The following CEP112 variants were observed in gnomAD, a reference collection of about 807,000 sequenced individuals.
CEP112 encodes the protein centrosomal protein of 112 kDa.
A neutral mutation model predicts 153.0 loss-of-function variants in CEP112; 127 were observed. The observed-to-expected ratio is 0.83, with a 90% CI of 0.72 to 0.96. The LOEUF is 0.96. Ranked by LOEUF, CEP112 falls within the 40% of genes least tolerant of loss-of-function variation. The probability of loss-of-function intolerance (pLI) is 0.00; values close to 1 mark genes in which losing one functional copy is unlikely to be tolerated. For missense variants in CEP112, 1,089 were observed against 1,101.2 expected (o/e 0.99, Z 0.16); for synonymous variants, 358 against 374.4 (o/e 0.96, Z 0.51).
At chr17:65,783,293 T>G (rs1431393030) in intron 21 of CEP112, among the ~76,000 whole-genome samples, 1 of 152,172 alleles carries the variant, frequency 6.6e-6, no homozygotes, top group Non-Finnish European at 1.5e-5. Context: ...GAATAACAAG[T>G]GTTGATGAGA....
At chr17:65,642,750 CA>C (rs1256222660) in intron 24 of CEP112, among the ~76,000 whole-genome samples, 2 of 152,116 alleles carry the variant, frequency 1.3e-5, no homozygotes, top group African/African-American at 2.4e-5. Flanking sequence ...AAATGCAAAG[CA>C]AAACGCATGC....
chr17:66,146,997 T>C, intron 4 of CEP112, among the ~76,000 whole-genome samples: 1 of 152,306 alleles, frequency 6.6e-6, no homozygotes, highest in South Asian at 2.1e-4. Flanking sequence ...TTCAAGACCC[T>C]GCTTTCAATT....
intron 11 of CEP112, among the ~76,000 whole-genome samples, chr17:66,058,197 T>C (rs966469447): frequency 1.3e-5 from 2 of 152,080 alleles, no homozygotes; most frequent in Non-Finnish European, 1.5e-5. Flanking sequence ...GAAAAAGACG[T>C]ACCCTTGTAA....
At chr17:66,132,891 A>G in intron 4 of CEP112, 128 bp from the exon 5 acceptor site, 1 of 697,050 alleles carries the variant, frequency 1.4e-6, no homozygotes, top group Admixed American at 2.4e-5. Flanking sequence ...GATGTTCCAT[A>G]GCCGGGCGTG....
At chr17:65,788,765 T>C (rs75486989) in intron 21 of CEP112, among the ~76,000 whole-genome samples, 11 of 152,304 alleles carry the variant, frequency 7.2e-5, no homozygotes, top group East Asian at 3.9e-4. Context: ...TCTCCCTATT[T>C]TTCTGACCGG....
intron 8 of CEP112, among the ~76,000 whole-genome samples, chr17:66,094,219 C>A (rs1485411205): frequency 6.6e-6 from 1 of 151,962 alleles, no homozygotes; most frequent in Non-Finnish European, 1.5e-5. Context: ...CCTACCACAC[C>A]CGGCTAATTT....
At chr17:66,036,036 T>C (rs1354695018) in intron 12 of CEP112, among the ~76,000 whole-genome samples, 4 of 152,218 alleles carry the variant, frequency 2.6e-5, no homozygotes, top group African/African-American at 7.2e-5. Flanking sequence ...ATTCAGCCAT[T>C]AAAAAGGGAA....
At chr17:66,023,620 T>G (rs1158137920) in intron 16 of CEP112, among the ~76,000 whole-genome samples, 1 of 151,906 alleles carries the variant, frequency 6.6e-6, no homozygotes, top group Non-Finnish European at 1.5e-5. Context: ...AAAAACACAT[T>G]TAAGTATAAA....
intron 21 of CEP112, among the ~76,000 whole-genome samples, chr17:65,771,508 T>C (rs1223382009): frequency 6.6e-6 from 1 of 152,182 alleles, no homozygotes; most frequent in Non-Finnish European, 1.5e-5. Flanking sequence ...AGTGAGGATA[T>C]AGATAATTCA....
chr17:65,968,783 C>T (rs1599180505), intron 17 of CEP112, among the ~76,000 whole-genome samples: 1 of 152,154 alleles, frequency 6.6e-6, no homozygotes, highest in East Asian at 1.9e-4. Context: ...ATGAAAACAA[C>T]CCATCTGACT....
At chr17:66,100,999 T>C (rs2068547142) in intron 6 of CEP112, among the ~76,000 whole-genome samples, 2 of 152,126 alleles carry the variant, frequency 1.3e-5, no homozygotes, top group South Asian at 4.1e-4. Context: ...GAGGATGTTC[T>C]GGAATGAATC....
intron 22 of CEP112, among the ~76,000 whole-genome samples, chr17:65,749,495 G>A (rs879741991): frequency 6.6e-6 from 1 of 151,974 alleles, no homozygotes. Context: ...GCAACAGAGC[G>A]AGGCTCTGTC....
chr17:65,994,418 C>T (rs991586344), intron 17 of CEP112, among the ~76,000 whole-genome samples: 1 of 152,010 alleles, frequency 6.6e-6, no homozygotes, highest in African/African-American at 2.4e-5. Context: ...GTCTCCAACT[C>T]CTGAGCTCAA....
intron 24 of CEP112, among the ~76,000 whole-genome samples, chr17:65,660,177 C>CCT (rs2046270778): frequency 3.6e-5 from 5 of 139,382 alleles, no homozygotes; most frequent in African/African-American, 1.4e-4. Flanking sequence ...ACCTTGATTT[C>CCT]TCCTTCCTTC....
chr17:66,141,068 G>A (rs2070675958), intron 4 of CEP112, among the ~76,000 whole-genome samples: 1 of 151,804 alleles, frequency 6.6e-6, no homozygotes, highest in African/African-American at 2.4e-5. Context: ...CTCTGTATTG[G>A]GGATTTTGAA....
chr17:66,012,156 G>A (rs924161203), intron 16 of CEP112, among the ~76,000 whole-genome samples: 1 of 152,112 alleles, frequency 6.6e-6, no homozygotes, highest in Non-Finnish European at 1.5e-5. Flanking sequence ...ATACCATTGG[G>A]TCTTGCCTCT....
intron 16 of CEP112, among the ~76,000 whole-genome samples, chr17:66,021,077 G>T (rs931490680): frequency 6.6e-6 from 1 of 152,090 alleles, no homozygotes; most frequent in Non-Finnish European, 1.5e-5. Context: ...AGGCCATGGG[G>T]AACACCCTAT....
chr17:66,000,023 A>G (rs1201288679), intron 17 of CEP112, among the ~76,000 whole-genome samples: 2 of 152,172 alleles, frequency 1.3e-5, no homozygotes, highest in Admixed American at 6.5e-5. Flanking sequence ...TATTGCTGCA[A>G]TAAACTTACA....
intron 17 of CEP112, among the ~76,000 whole-genome samples, chr17:65,995,138 T>C (rs1022190283): frequency 3.4e-5 from 4 of 118,462 alleles, no homozygotes; most frequent in African/African-American, 1.3e-4. Flanking sequence ...TAAAAGAAAA[T>C]GGAAAGGCTG....
Sources: gnomAD v4.1 joint callset for allele counts (sites outside exome capture counted in the v4.1 genomes callset) on GRCh38, gnomAD v4.1.1 for gene constraint, MANE v1.5 for transcripts, NCBI Gene and HGNC (gene_info 2026-07-23, HGNC 2026-07-21) for gene names.